Variants in NDUFS8 observed in about 807,000 individuals in gnomAD.
NDUFS8 encodes NADH dehydrogenase [ubiquinone] iron-sulfur protein 8, mitochondrial.
NDUFS8 carries 13 observed loss-of-function variants against 25.6 expected under a neutral mutation model. The ratio of observed to expected loss-of-function variants is 0.51; its 90% CI spans 0.33 to 0.81. The LOEUF (loss-of-function observed/expected upper bound fraction) is 0.81, where lower values mean the gene tolerates loss of function less well. Among genes scored for constraint, NDUFS8 ranks in the 30% least tolerant of loss-of-function variants. The pLI is 0.02. For synonymous variants in NDUFS8, 119 were observed against 119.4 expected (o/e 1.00, Z 0.02); for missense variants, 257 against 300.9 (o/e 0.85, Z 1.08).
intron 1 of NDUFS8, chr11:68,031,221 G>A (rs1854760765): frequency 1.5e-5 from 3 of 196,878 alleles, no homozygotes; most frequent in South Asian, 1.1e-4. Flanking sequence ...AGTTCCAGGA[G>A]GGCCTTGAAG....
chr11:68,032,203 C>A lies in NDUFS8; in HGVS notation c.52C>A (p.Arg18Ser). 1 of 1,613,378 alleles carries A rather than the reference C, an allele frequency of 6.2e-7. No homozygotes were observed. The highest frequency in any genetic ancestry group is 1.7e-5 in the Admixed American group (1 of 60,028). ...GCTGCGGGCCCTGGCCCAGGCTGCA[C>A]GTGCAGGTAGGACCAAAGAAGCCTT... is the stretch of plus-strand genomic sequence containing the variant. ...MLLRALAQAA[R>S]AGPPGGRSLH... Residue 18 changes from arginine (R) to serine (S), a missense_variant, in exon 2 of 7, where the codon CGT (arginine) becomes AGT (serine). Coordinates refer to ENST00000313468, the MANE Select transcript of NDUFS8 (RefSeq NM_002496.4).
chr11:68,033,825 C>G (rs1489518476), intron 5 of NDUFS8: 1 of 182,192 alleles, frequency 5.5e-6, no homozygotes, highest in African/African-American at 2.4e-5. Context: ...CCGCTACTTT[C>G]TGTGTGCACA....
intron 3 of NDUFS8, 111 bp downstream of exon 3, chr11:68,032,447 C>T (rs748538081): frequency 3.8e-6 from 6 of 1,582,240 alleles, no homozygotes; most frequent in Non-Finnish European, 4.3e-6. Flanking sequence ...CTTCTCTGAG[C>T]CTGTTTCCAC....
At position 68,036,166 on chromosome 11, in the gene NDUFS8, C is replaced by T. The variant is rs908348608; in HGVS notation, c.373-87C>T. The T allele has an allele frequency of 6.3e-6, 10 of 1,598,994 alleles. No homozygotes were observed. The East Asian group carries it at 1.8e-4, about 29-fold the overall frequency. On this transcript the variant is annotated intron_variant, in intron 5 of 6. Transcript: ENST00000313468. The stretch of plus-strand genomic sequence containing the variant: ...GAGGGGAGAGGGCTTCTGGCAGACC[C>T]CAGGGGTGGGGATGAGCAGTGACAG...
chr11:68,036,340 G>A lies in NDUFS8; in HGVS notation c.460G>A (p.Gly154Ser), dbSNP rs143337739. Reference protein sequence around the residue: ...DIDMTKCIYCGFCQEACPVDA... With the variant: ...DIDMTKCIYCSFCQEACPVDA... Reference sequence around the variant, plus strand: ...CGACATGACCAAGTGCATCTACTGCGGCTTCTGCCAGGAGGCCTGTCCCGT... The same window carrying A: ...CGACATGACCAAGTGCATCTACTGCAGCTTCTGCCAGGAGGCCTGTCCCGT... The change falls in exon 6 of 7, where the codon GGC (glycine) becomes AGC (serine). Residue 154 changes from glycine to serine, a missense_variant. Transcript: ENST00000313468. 6 of 1,613,680 alleles carry A rather than the reference G, an allele frequency of 3.7e-6. No homozygotes were observed. Among genetic ancestry groups the A allele is most frequent in the Admixed American group, 1.7e-5 (1 of 60,002 alleles).
intron 5 of NDUFS8, 176 bp downstream of exon 5, chr11:68,033,459 C>T (rs1854813735): frequency 1.2e-6 from 1 of 807,576 alleles, no homozygotes. Context: ...TACCAGAGCA[C>T]AGAGTCAGTG....
chr11:68,031,907 G>T (rs1010840326), intron 1 of NDUFS8, among the ~76,000 whole-genome samples: 4 of 152,222 alleles, frequency 2.6e-5, no homozygotes, highest in Admixed American at 6.5e-5. Context: ...GATTTAAAAG[G>T]TTTCTTAGGT....
At chr11:68,035,176 C>T (rs964224355) in intron 5 of NDUFS8, 21 of 153,812 alleles carry the variant, frequency 1.4e-4, no homozygotes, top group Admixed American at 1.1e-3. Context: ...GTGGCTCACA[C>T]CTGTAGTCCA....
At chr11:68,033,304 G>A in intron 5 of NDUFS8, 21 bp downstream of exon 5, 2 of 1,590,504 alleles carry the variant, frequency 1.3e-6, no homozygotes, top group Non-Finnish European at 1.7e-6. Context: ...GCCCCAACCG[G>A]CCACCACGCC....
chr11:68,031,471 C>T, intron 1 of NDUFS8: 1 of 161,872 alleles, frequency 6.2e-6, no homozygotes, highest in Non-Finnish European at 1.4e-5. Flanking sequence ...CTCAACCTCC[C>T]GAGTAGCTGG....
intron 2 of NDUFS8, 32 bp from the exon 3 acceptor site, chr11:68,032,254 C>G: frequency 6.2e-7 from 1 of 1,613,812 alleles, no homozygotes; most frequent in Non-Finnish European, 8.5e-7. Flanking sequence ...AGTCCAGTCT[C>G]CTGGTATGAC....
chr11:68,036,293 G>T lies in NDUFS8; in HGVS notation c.413G>T (p.Arg138Leu). ...GCTGAGCCAAGAGCTGATGGCAGCC[G>T]CCGGACCACCCGCTATGACATCGAC... ...IEAEPRADGS[R>L]RTTRYDIDMT... The change falls in exon 6 of 7, where the codon CGC (arginine) becomes CTC (leucine). Residue 138 changes from arginine (R) to leucine (L), a missense_variant. Physicochemically the swap from Arg to Leu is moderately radical, Grantham distance 102. Transcript: ENST00000313468. 1 of 1,613,074 alleles carries T rather than the reference G, an allele frequency of 6.2e-7. No homozygotes were observed. Among genetic ancestry groups the T allele is most frequent in the Non-Finnish European group, 8.5e-7 (1 of 1,179,872 alleles).
At chr11:68,036,122 C>T (rs751453392) in intron 5 of NDUFS8, 131 bp from the exon 6 acceptor site, 129 of 1,487,528 alleles carry the variant, frequency 8.7e-5, no homozygotes, top group Non-Finnish European at 1.1e-4. Context: ...GCCTCTTAGC[C>T]GGAGTCCAGG....
chr11:68,033,356 C>T (rs767795412), intron 5 of NDUFS8, 73 bp downstream of exon 5: 2 of 1,531,980 alleles, frequency 1.3e-6, no homozygotes, highest in Non-Finnish European at 1.8e-6. Flanking sequence ...AGCCCTAGGC[C>T]CAAACCCTAG....
intron 1 of NDUFS8, chr11:68,030,985 C>T (rs1414343815): frequency 4.9e-6 from 2 of 412,098 alleles, no homozygotes; most frequent in East Asian, 1.7e-4. Flanking sequence ...TGGGTTGGGT[C>T]CCTGGAACTG....
intron 4 of NDUFS8, 42 bp downstream of exon 4, chr11:68,033,054 G>T (rs147808886): frequency 6.2e-7 from 1 of 1,613,288 alleles, no homozygotes; most frequent in South Asian, 1.1e-5. Flanking sequence ...TGCCGGGTGG[G>T]CACGGATGCA....
In NDUFS8 at chr11:68,036,488, G is replaced by C; in HGVS notation, c.528G>C (p.Glu176Asp). Residue 176 changes from glutamate (E) to aspartate (D), a missense_variant, in exon 7 of 7, where the codon GAG becomes GAC. Transcript: ENST00000313468. ...VEGPNFEFST[E>D]THEELLYNKE... ...GCCCCAACTTTGAGTTCTCCACGGA[G>C]ACCCATGAGGAGCTGCTGTACAACA... The C allele has an allele frequency of 6.2e-7, 1 of 1,614,088 alleles. No individual in the cohort carries two copies. The highest frequency in any genetic ancestry group is 8.5e-7 in the Non-Finnish European group (1 of 1,179,990).
intron 5 of NDUFS8, 189 bp from the exon 6 acceptor site, chr11:68,036,064 C>A: frequency 1.3e-6 from 1 of 778,426 alleles, no homozygotes; most frequent in Non-Finnish European, 2.0e-6. Context: ...GGGACGCCAG[C>A]AGGGCACGTG....
rs927663475 is a variant in NDUFS8, at chr11:68,036,088, C to T, written c.373-165C>T. On this transcript the variant is annotated intron_variant, in intron 5 of 6. Transcript: ENST00000313468. ...GCAGGGCACGTGCTGAGGAGACAGG[C>T]GCGAGCACCAGAGGTGCAGGGCGGC... is the stretch of plus-strand genomic sequence containing the variant. 2.2e-5 allele frequency: 24 copies of T among 1,082,766 alleles called. 1 individual carries two copies. Among genetic ancestry groups the T allele is most frequent in the East Asian group, 5.3e-5 (2 of 37,858 alleles). The allele number at this position is 1,082,766 out of a possible 1,614,324, so 67.1% of individuals were successfully genotyped here. A position where few individuals can be genotyped will look rare whatever the true frequency, so the allele number is the denominator to read the frequency against.
Sources: gnomAD v4.1 joint callset for allele counts (sites outside exome capture counted in the v4.1 genomes callset) on GRCh38, gnomAD v4.1.1 for gene constraint, MANE v1.5 for transcripts, NCBI Gene and HGNC (gene_info 2026-07-23, HGNC 2026-07-21) for gene names.